ABCC10: variants seen among roughly 807,000 people sequenced by gnomAD.
The protein encoded by ABCC10 is ATP-binding cassette sub-family C member 10.
Under a neutral mutation model 143.2 loss-of-function variants are expected in ABCC10, and 110 were observed. The observed-to-expected ratio is 0.77, with a 90% CI of 0.66 to 0.90. The LOEUF is 0.90. Ranked by LOEUF, ABCC10 falls within the 40% of genes least tolerant of loss-of-function variation. ABCC10 has a pLI of 0.00. For missense variants in ABCC10, 1,700 were observed against 1,900.5 expected, an observed-to-expected ratio of 0.89 and a Z score of 1.96; for synonymous variants, 805 against 846.7, an observed-to-expected ratio of 0.95 and a Z score of 0.85.
Position 43,442,959 on chromosome 6 carries a change from C to T in ABCC10, c.2227-11C>T, listed in dbSNP as rs779732031. On this transcript the variant is annotated splice_polypyrimidine_tract_variant and intron_variant, in intron 9 of 21. Coordinates refer to ENST00000372530, the MANE Select transcript of ABCC10 (RefSeq NM_001198934.2). ...GGTCCTGGTGCCCACGGTACCCTCA[C>T]GTCTCCATAGGAAAAGGAGCTCTAT... is the stretch of plus-strand genomic sequence containing the variant. 2.2e-5 allele frequency: 34 copies of T among 1,566,268 alleles called. No individual in the cohort carries two copies. Among genetic ancestry groups the T allele is most frequent in the African/African-American group, 2.0e-4 (15 of 73,770 alleles).
chr6:43,436,543 C>T (rs1050415768), intron 6 of ABCC10, among the ~76,000 whole-genome samples: 6 of 152,116 alleles, frequency 3.9e-5, no homozygotes, highest in African/African-American at 1.4e-4. Context: ...TCAGAACAGG[C>T]CCTGGGGTTT....
downstream of ABCC10, chr6:43,450,660 T>C (rs1422975949): frequency 2.8e-5 from 45 of 1,613,596 alleles, no homozygotes; most frequent in Non-Finnish European, 3.7e-5. The surrounding 1 kb of genome is among the most constrained non-coding windows in gnomAD (Gnocchi z 4.5). Context: ...TGGGGCAGGG[T>C]AGCAACAGGG....
Position 43,449,155 on chromosome 6 carries a change from G to C in ABCC10, c.4154G>C (p.Gly1385Ala). The C allele has an allele frequency of 6.2e-7, 1 of 1,614,164 alleles. No homozygotes were observed. The highest frequency in any genetic ancestry group is 8.5e-7 in the Non-Finnish European group (1 of 1,180,008). Residue 1385 changes from glycine to alanine, a missense_variant, in exon 20 of 22, where the codon GGG becomes GCG. Physicochemically the swap from Gly to Ala is moderately conservative, Grantham distance 60. Coordinates refer to ENST00000372530, the MANE Select transcript of ABCC10 (RefSeq NM_001198934.2). The part of the protein sequence containing the change: ...LGEGGRSLSL[G>A]QRQLLCLARA... ...GAGGGGGGCCGGAGCTTATCTCTTG[G>C]GCAGAGGCAGCTGTTGTGTTTGGCC...
At chr6:43,450,605 C>A, downstream of ABCC10, 2 of 1,601,182 alleles carry the variant, frequency 1.2e-6, no homozygotes, top group Non-Finnish European at 8.5e-7. The surrounding 1 kb of genome is among the most constrained non-coding windows in gnomAD (Gnocchi z 4.5). Context: ...CTGCTGGCAG[C>A]ATGCTAACCT....
At chr6:43,442,134 GAGTTCAAGGCCTTTAA>G in intron 9 of ABCC10, 174 bp downstream of exon 9, 1 of 550,454 alleles carries the variant, frequency 1.8e-6, no homozygotes, top group Non-Finnish European at 3.2e-6. Flanking sequence ...ATTTAAGGCA[GAGTTCAAGGCCTTTAA>G]AAAGTATTTG....
chr6:43,447,448 C>A, intron 17 of ABCC10, 40 bp downstream of exon 17: 1 of 1,600,594 alleles, frequency 6.2e-7, no homozygotes. Context: ...GCTCTGGAAC[C>A]CTGAAGGCCC....
At chr6:43,446,485 G>A (rs1317686497) in intron 16 of ABCC10, 39 bp downstream of exon 16, 1 of 1,585,544 alleles carries the variant, frequency 6.3e-7, no homozygotes, top group Non-Finnish European at 8.6e-7. Context: ...TCATCCACAA[G>A]TTAGTCCACC....
chr6:43,444,215 C>T lies in ABCC10; in HGVS notation c.2551C>T (p.Gln851Ter). 19 of 1,614,102 alleles carry T rather than the reference C, an allele frequency of 1.2e-5. No homozygotes were observed. The highest frequency in any genetic ancestry group is 1.6e-5 in the Non-Finnish European group (19 of 1,179,984). ...EKTKEGLEEEQSTSGRLLQEE... is the reference protein window; with the variant it reads ...EKTKEGLEEE The stretch of plus-strand genomic sequence containing the variant: ...AACAAAGGAGGGGCTGGAGGAGGAG[C>T]AGAGCACATCTGGTCGCCTGCTGCA... Residue 851 changes from glutamine to a stop codon, truncating the protein, a stop_gained, in exon 12 of 22, where the codon CAG (glutamine) becomes TAG (stop). Transcript: ENST00000372530. LOFTEE classifies it high-confidence loss of function.
intron 18 of ABCC10, among the ~76,000 whole-genome samples, chr6:43,448,544 TC>T (rs1415728409): frequency 2.6e-5 from 4 of 152,176 alleles, no homozygotes; most frequent in Non-Finnish European, 5.9e-5. Flanking sequence ...CTCTGGTCAT[TC>T]CCTGCGTAGC....
chr6:43,448,761 G>T, intron 18 of ABCC10, 120 bp from the exon 19 acceptor site: 5 of 1,278,204 alleles, frequency 3.9e-6, no homozygotes, highest in South Asian at 3.0e-5. Context: ...GCAGAGTGGG[G>T]TTATGTTCAG....
At chr6:43,431,818 C>T in intron 2 of ABCC10, 1 of 1,177,586 alleles carries the variant, frequency 8.5e-7, no homozygotes, top group Non-Finnish European at 1.0e-6. Flanking sequence ...AGTTAGTCTT[C>T]ATGTTAAGTA....
chr6:43,427,784 C>G (rs1780659349), intron 1 of ABCC10, 27 bp downstream of exon 1: 2 of 648,544 alleles, frequency 3.1e-6, no homozygotes, highest in Non-Finnish European at 5.4e-6. Flanking sequence ...CAGAAATCCA[C>G]TGGGGAAACC....
intron 2 of ABCC10, among the ~76,000 whole-genome samples, chr6:43,429,558 A>C: frequency 6.6e-6 from 1 of 151,650 alleles, no homozygotes; most frequent in East Asian, 1.9e-4. Context: ...CAGCCTTTTG[A>C]TTTGCTGGGG....
At chr6:43,451,026 T>C (rs780782641), downstream of ABCC10, 45 of 1,613,928 alleles carry the variant, frequency 2.8e-5, no homozygotes, top group Non-Finnish European at 5.1e-6. This position sits in a 1 kb window ranked among gnomAD's most constrained non-coding sequence, Gnocchi z 4.4. Flanking sequence ...GGCCCCTCTC[T>C]GGCATGGGCG....
chr6:43,435,857 A>G lies in ABCC10; in HGVS notation c.1715A>G (p.Gln572Arg), dbSNP rs1312311570. The change falls in exon 5 of 22, where the codon CAG (glutamine) becomes CGG (arginine). Residue 572 changes from glutamine to arginine, a missense_variant. By Grantham distance (43) the Gln-to-Arg change is conservative. Coordinates refer to ENST00000372530, the MANE Select transcript of ABCC10 (RefSeq NM_001198934.2). ...LEAKVSLDRI[Q>R]LFLDLPNHNP... The stretch of plus-strand genomic sequence containing the variant: ...GCCAAAGTGTCCTTGGACCGGATCC[A>G]GCTTTTCCTCGACCTTCCAAACCAC... 6.2e-7 allele frequency: 1 copy of G among 1,614,196 alleles called. No homozygotes were observed. Among genetic ancestry groups the G allele is most frequent in the Non-Finnish European group, 8.5e-7 (1 of 1,180,034 alleles).
In ABCC10 at chr6:43,433,238, G is replaced by A; in HGVS notation, c.1258G>A (p.Gly420Ser). 6.2e-7 allele frequency: 1 copy of A among 1,614,210 alleles called. No individual in the cohort carries two copies. The highest frequency in any genetic ancestry group is 8.5e-7 in the Non-Finnish European group (1 of 1,180,014). The change falls in exon 3 of 22, where the codon GGC becomes AGC. Residue 420 changes from glycine to serine, a missense_variant. Gly to Ser is a moderately conservative substitution (Grantham distance 56). Coordinates refer to ENST00000372530, the MANE Select transcript of ABCC10 (RefSeq NM_001198934.2). ...CCTCTACCTGCTGTACCAGCAGGTA[G>A]GCGTGGCCTTCGTGGGTGGTCTCAT... ...ITLYLLYQQV[G>S]VAFVGGLILA...
chr6:43,442,097 T>C (rs921629573), intron 9 of ABCC10, 137 bp downstream of exon 9: 5 of 682,776 alleles, frequency 7.3e-6, no homozygotes, highest in Non-Finnish European at 1.2e-5. Flanking sequence ...GTTCCTGAGG[T>C]ATTGGCCATC....
rs776563786 is a variant in ABCC10, at chr6:43,432,755, C to T, written c.775C>T (p.Leu259=). The T allele has an allele frequency of 4.3e-6, 7 of 1,614,224 alleles. No homozygotes were observed. In the East Asian group the frequency reaches 6.7e-5, roughly 15 times the overall value. ...CCCCCACAGACTGCAGCCAACCTAC[C>T]TGGCTCGTGTCTTCCAGGCACACTG... ...RLPHRLQPTY[L]ARVFQAHWQE... The change falls in exon 3 of 22, where the codon CTG becomes TTG. Residue 259 remains leucine (L), a synonymous_variant. Coordinates refer to ENST00000372530, the MANE Select transcript of ABCC10 (RefSeq NM_001198934.2).
chr6:43,450,425 T>C lies in ABCC10; in HGVS notation c.*334T>C. 1 of 1,195,784 alleles carries C rather than the reference T, an allele frequency of 8.4e-7. No homozygotes were observed. The highest frequency in any genetic ancestry group is 1.5e-5 in the African/African-American group (1 of 65,488). 74.1% of individuals were successfully genotyped at this position (1,195,784 alleles called of 1,614,324 possible). A position where few individuals can be genotyped will look rare whatever the true frequency, so the allele number is the denominator to read the frequency against. The stretch of plus-strand genomic sequence containing the variant: ...TATTAAAAAAATAATATTTCTGGTG[T>C]GAGGCTGAGGTCTCCTCTGTGTGTG... On this transcript the variant is annotated 3_prime_UTR_variant, in exon 22 of 22. Transcript: ENST00000372530. The surrounding 1 kb of genome is among the most constrained non-coding windows in gnomAD (Gnocchi z 4.5).
Sources: gnomAD v4.1 joint callset for allele counts (sites outside exome capture counted in the v4.1 genomes callset) on GRCh38, gnomAD v4.1.1 for gene constraint, Gnocchi (gnomAD v3.1) non-coding constraint, MANE v1.5 for transcripts, NCBI Gene and HGNC (gene_info 2026-07-23, HGNC 2026-07-21) for gene names.